SLC9A9: variants seen among roughly 807,000 people sequenced by gnomAD.
SLC9A9 encodes the protein solute carrier family 9 member A9, also known as sodium/hydrogen exchanger 9.
SLC9A9 carries 62 observed loss-of-function variants against 77.8 expected under a neutral mutation model. That is an observed-to-expected ratio of 0.80 (90% confidence interval 0.65 to 0.98). The LOEUF is 0.98. Among genes scored for constraint, SLC9A9 ranks in the 50% least tolerant of loss-of-function variants. SLC9A9 has a pLI of 0.00. For synonymous variants in SLC9A9, 320 were observed against 283.5 expected, an observed-to-expected ratio of 1.13 and a Z score of -1.29; for missense variants, 775 against 774.9, an observed-to-expected ratio of 1.00 and a Z score of 0.00.
At chr3:143,575,654 A>G (rs1399128551) in intron 7 of SLC9A9, among the ~76,000 whole-genome samples, 1 of 152,148 alleles carries the variant, frequency 6.6e-6, no homozygotes, top group Non-Finnish European at 1.5e-5. Context: ...CTTTGTTTCT[A>G]GTGAGGTCTG....
At chr3:143,409,055 TTA>T (rs2034040990) in intron 12 of SLC9A9, among the ~76,000 whole-genome samples, 1 of 152,210 alleles carries the variant, frequency 6.6e-6, no homozygotes, top group South Asian at 2.1e-4. Flanking sequence ...TCTCTAGTGA[TTA>T]TGTCAGTGGT....
chr3:143,295,534 C>A (rs926730963), intron 14 of SLC9A9, among the ~76,000 whole-genome samples: 2 of 152,124 alleles, frequency 1.3e-5, no homozygotes, highest in African/African-American at 4.8e-5. Flanking sequence ...ATTAAATAGT[C>A]CATGAGGTTA....
At chr3:143,336,885 G>A (rs911015601) in intron 14 of SLC9A9, among the ~76,000 whole-genome samples, 1 of 152,020 alleles carries the variant, frequency 6.6e-6, no homozygotes, top group Admixed American at 6.6e-5. Context: ...ATTTTTACGT[G>A]CTTTTTACTA....
rs987963640 is a variant in SLC9A9, at chr3:143,620,897, A to G, written c.755+31358T>C. Among the ~76,000 whole-genome samples the G allele has an allele frequency of 2.6e-5, 4 of 152,276 alleles. No homozygotes were observed. In the South Asian group the frequency reaches 8.3e-4, roughly 32 times the overall value. On this transcript the variant is annotated intron_variant, in intron 6 of 15. Transcript: ENST00000316549. The stretch of plus-strand genomic sequence containing the variant: ...AAAGGGGTGACAGACGGCACCTGGA[A>G]AATCGGGTCACTCCCACCCTAATAC...
chr3:143,693,311 T>TTC lies in SLC9A9; in HGVS notation c.534-5_534-4insGA. ...CACAAAACCATACATAATTAACCTGTTGAAGAGAAAAACATGACCTTCAAA... is the reference window on the plus strand; with the variant it reads ...CACAAAACCATACATAATTAACCTGTTCTGAAGAGAAAAACATGACCTTCAAA... On this transcript the variant is annotated splice_polypyrimidine_tract_variant and splice_region_variant and intron_variant, in intron 4 of 15. Coordinates refer to ENST00000316549, the MANE Select transcript of SLC9A9 (RefSeq NM_173653.4). The TTC allele has an allele frequency of 6.2e-7, 1 of 1,608,844 alleles. No individual in the cohort carries two copies. Among genetic ancestry groups the TTC allele is most frequent in the South Asian group, 1.1e-5 (1 of 90,976 alleles).
intron 11 of SLC9A9, among the ~76,000 whole-genome samples, chr3:143,491,804 C>T (rs2108589226): frequency 1.3e-5 from 2 of 152,234 alleles, no homozygotes; most frequent in South Asian, 4.2e-4. Context: ...TGAAAATAAG[C>T]TGCTATTCTC....
intron 8 of SLC9A9, among the ~76,000 whole-genome samples, chr3:143,573,203 G>C (rs2037297124): frequency 6.6e-6 from 1 of 152,112 alleles, no homozygotes; most frequent in African/African-American, 2.4e-5. Flanking sequence ...TAGACTTAAA[G>C]TATCACCTAT....
At chr3:143,579,569 C>A (rs1235717772) in intron 6 of SLC9A9, among the ~76,000 whole-genome samples, 2 of 152,222 alleles carry the variant, frequency 1.3e-5, no homozygotes, top group South Asian at 2.1e-4. Flanking sequence ...TGTGCTAGAT[C>A]CACTAGCTTT....
At chr3:143,498,257 G>T (rs190324540) in intron 9 of SLC9A9, among the ~76,000 whole-genome samples, 1 of 152,216 alleles carries the variant, frequency 6.6e-6, no homozygotes, top group East Asian at 1.9e-4. Flanking sequence ...AATTAATGTG[G>T]ATCCATAATA....
At chr3:143,521,112 T>C (rs563445892) in intron 9 of SLC9A9, among the ~76,000 whole-genome samples, 1 of 152,196 alleles carries the variant, frequency 6.6e-6, no homozygotes, top group Non-Finnish European at 1.5e-5. Flanking sequence ...GGTAATCAAA[T>C]TGACCAATCT....
intron 6 of SLC9A9, among the ~76,000 whole-genome samples, chr3:143,644,423 G>T (rs1298658872): frequency 2.6e-5 from 4 of 152,212 alleles, no homozygotes; most frequent in Non-Finnish European, 5.9e-5. Context: ...TCTCATCCGT[G>T]AGACAAAAGA....
intron 4 of SLC9A9, among the ~76,000 whole-genome samples, chr3:143,693,960 C>T (rs1933555519): frequency 6.6e-6 from 1 of 152,102 alleles, no homozygotes; most frequent in Non-Finnish European, 1.5e-5. Flanking sequence ...CCATGGCATG[C>T]AAATTGTCTG....
At chr3:143,468,817 T>A (rs1416566729) in intron 11 of SLC9A9, among the ~76,000 whole-genome samples, 1 of 152,232 alleles carries the variant, frequency 6.6e-6, no homozygotes, top group Admixed American at 6.5e-5. Flanking sequence ...TTTGTAATAT[T>A]ATGCTAATTG....
chr3:143,833,624 A>T (rs114916091), intron 1 of SLC9A9, among the ~76,000 whole-genome samples: 1,841 of 151,572 alleles, frequency 0.012, 39 homozygotes, highest in African/African-American at 0.043. Flanking sequence ...GTAGACCAGG[A>T]TCTATGCTCT....
At chr3:143,521,424 T>C (rs890860217) in intron 9 of SLC9A9, among the ~76,000 whole-genome samples, 1 of 152,190 alleles carries the variant, frequency 6.6e-6, no homozygotes, top group Non-Finnish European at 1.5e-5. Context: ...TCCATACATA[T>C]ATGCGCTTTT....
chr3:143,687,026 T>A (rs1933294385), intron 5 of SLC9A9, among the ~76,000 whole-genome samples: 1 of 152,134 alleles, frequency 6.6e-6, no homozygotes, highest in Non-Finnish European at 1.5e-5. Flanking sequence ...CCTTTCACTG[T>A]CCACTTGTTA....
chr3:143,846,540 G>A (rs1038203135), intron 1 of SLC9A9, among the ~76,000 whole-genome samples: 1 of 151,632 alleles, frequency 6.6e-6, no homozygotes, highest in Non-Finnish European at 1.5e-5. Flanking sequence ...TTAAATGAGA[G>A]TTTTCTTGTG....
chr3:143,680,100 C>T lies in SLC9A9; in HGVS notation c.649+13092G>A, dbSNP rs116797976. Among the ~76,000 whole-genome samples, 838 of 151,686 alleles carry T rather than the reference C, an allele frequency of 5.5e-3. 5 individuals carry two copies. The highest frequency in any genetic ancestry group is 0.017 in the African/African-American group (701 of 41,366). ...ATAGAGGTGCAACATATAGATAATACGAGTACCACTAGATTAAAATAAAAA... is the reference window on the plus strand; with the variant it reads ...ATAGAGGTGCAACATATAGATAATATGAGTACCACTAGATTAAAATAAAAA... On this transcript the variant is annotated intron_variant, in intron 5 of 15. Transcript: ENST00000316549.
At chr3:143,403,924 C>T (rs2033914239) in intron 12 of SLC9A9, among the ~76,000 whole-genome samples, 1 of 152,038 alleles carries the variant, frequency 6.6e-6, no homozygotes, top group South Asian at 2.1e-4. Flanking sequence ...TGCCCTTTCT[C>T]TTCTCCTTCC....
Sources: gnomAD v4.1 joint callset for allele counts (sites outside exome capture counted in the v4.1 genomes callset) on GRCh38, gnomAD v4.1.1 for gene constraint, MANE v1.5 for transcripts, NCBI Gene and HGNC (gene_info 2026-07-23, HGNC 2026-07-21) for gene names.